The following HS6ST3 variants were observed in gnomAD, a reference collection of about 807,000 sequenced individuals.
HS6ST3 encodes the protein heparan-sulfate 6-O-sulfotransferase 3.
A neutral mutation model predicts 36.7 loss-of-function variants in HS6ST3; 12 were observed. That is an observed-to-expected ratio of 0.33 (90% confidence interval 0.21 to 0.53). The LOEUF (loss-of-function observed/expected upper bound fraction) is 0.53. Among genes scored for constraint, HS6ST3 ranks in the 20% least tolerant of loss-of-function variants. The pLI is 0.95. For missense variants in HS6ST3, 584 were observed against 640.9 expected, an observed-to-expected ratio of 0.91 and a Z score of 0.96; for synonymous variants, 240 against 257.5, an observed-to-expected ratio of 0.93 and a Z score of 0.65.
At chr13:96,708,647 C>T (rs1317145406) in intron 1 of HS6ST3, among the ~76,000 whole-genome samples, 1 of 152,152 alleles carries the variant, frequency 6.6e-6, no homozygotes, top group Non-Finnish European at 1.5e-5. Context: ...CTAATTCACT[C>T]CAGGGAAATG....
intron 1 of HS6ST3, among the ~76,000 whole-genome samples, chr13:96,482,534 C>T (rs2055894894): frequency 6.6e-6 from 1 of 150,464 alleles, no homozygotes; most frequent in South Asian, 2.1e-4. Context: ...TATCTGGTCT[C>T]CTCTGCAGTG....
chr13:96,725,900 G>A (rs773914334), intron 1 of HS6ST3, among the ~76,000 whole-genome samples: 27 of 151,994 alleles, frequency 1.8e-4, no homozygotes, highest in Non-Finnish European at 2.6e-4. Flanking sequence ...GCAGTGGCGC[G>A]ATCTCAGCTC....
chr13:96,275,775 A>G (rs1363132869), intron 1 of HS6ST3, among the ~76,000 whole-genome samples: 9 of 151,976 alleles, frequency 5.9e-5, no homozygotes, highest in African/African-American at 2.2e-4. Flanking sequence ...CAAGGTGACA[A>G]TAAAGACTTT....
chr13:96,529,005 T>G (rs1471729150), intron 1 of HS6ST3, among the ~76,000 whole-genome samples: 1 of 152,098 alleles, frequency 6.6e-6, no homozygotes, highest in Non-Finnish European at 1.5e-5. Context: ...TGGCATATAT[T>G]TACTATTGCC....
At chr13:96,645,176 A>G (rs1049448869) in intron 1 of HS6ST3, among the ~76,000 whole-genome samples, 1 of 151,894 alleles carries the variant, frequency 6.6e-6, no homozygotes, top group East Asian at 1.9e-4. Context: ...TAAGAGAAGG[A>G]TTGCAAAGAT....
At chr13:96,199,842 T>A (rs1055105555) in intron 1 of HS6ST3, among the ~76,000 whole-genome samples, 2 of 151,986 alleles carry the variant, frequency 1.3e-5, no homozygotes, top group African/African-American at 4.8e-5. Flanking sequence ...GATGTGCAGA[T>A]TCTGGCTCAT....
chr13:96,590,461 AT>A lies in HS6ST3; in HGVS notation c.708-242020del, dbSNP rs200668534. Among the ~76,000 whole-genome samples the A allele has an allele frequency of 6.2e-3, 934 of 150,488 alleles. 5 individuals carry two copies. Among genetic ancestry groups the A allele is most frequent in the African/African-American group, 0.021 (874 of 41,080 alleles). ...TCAGTGACATTTGGCATATTTTCAT[AT>A]TTTTTTTTCCATTTGTATGTCTTCT... On this transcript the variant is annotated intron_variant, in intron 1 of 1. Coordinates refer to ENST00000376705, the MANE Select transcript of HS6ST3 (RefSeq NM_153456.4).
chr13:96,170,925 G>A (rs1463468104), intron 1 of HS6ST3, among the ~76,000 whole-genome samples: 2 of 152,196 alleles, frequency 1.3e-5, no homozygotes, highest in Non-Finnish European at 2.9e-5. Flanking sequence ...AAACACACGC[G>A]CACGTGCGCA....
At chr13:96,311,350 T>A (rs988749171) in intron 1 of HS6ST3, among the ~76,000 whole-genome samples, 2 of 152,202 alleles carry the variant, frequency 1.3e-5, no homozygotes, top group Non-Finnish European at 2.9e-5. Context: ...AATGGCAGCA[T>A]ACACACATTT....
chr13:96,202,561 G>A (rs780545971), intron 1 of HS6ST3, among the ~76,000 whole-genome samples: 1 of 152,174 alleles, frequency 6.6e-6, no homozygotes, highest in Non-Finnish European at 1.5e-5. Context: ...ACCCCAAGAA[G>A]TTGAATTGGA....
chr13:96,465,680 T>A (rs1007155509), intron 1 of HS6ST3, among the ~76,000 whole-genome samples: 1 of 152,064 alleles, frequency 6.6e-6, no homozygotes, highest in Admixed American at 6.6e-5. Context: ...TAAAGTACAA[T>A]TTTCTGCTTT....
Position 96,294,052 on chromosome 13 carries a change from G to C in HS6ST3, c.707+202483G>C, listed in dbSNP as rs150847218. 2.7e-3 allele frequency among the ~76,000 whole-genome samples: 408 copies of C among 152,150 alleles called. 3 individuals carry two copies. Among genetic ancestry groups the C allele is most frequent in the African/African-American group, 9.4e-3 (390 of 41,526 alleles). Reference sequence around the variant, plus strand: ...TTAATGTCTAGAGGAATGACATTACGTTTCTTGGGTTATCAAGCTCAGATG... The same window carrying C: ...TTAATGTCTAGAGGAATGACATTACCTTTCTTGGGTTATCAAGCTCAGATG... On this transcript the variant is annotated intron_variant, in intron 1 of 1. Coordinates refer to ENST00000376705, the MANE Select transcript of HS6ST3 (RefSeq NM_153456.4).
chr13:96,744,079 T>G (rs937309088), intron 1 of HS6ST3, among the ~76,000 whole-genome samples: 9 of 152,058 alleles, frequency 5.9e-5, no homozygotes, highest in Non-Finnish European at 1.0e-4. Context: ...ATCTAGTAAA[T>G]GCAAGAAGTT....
intron 1 of HS6ST3, among the ~76,000 whole-genome samples, chr13:96,415,123 G>A (rs1446133940): frequency 6.6e-6 from 1 of 152,150 alleles, no homozygotes; most frequent in African/African-American, 2.4e-5. Flanking sequence ...TGCAGCTATG[G>A]TTCTTTGGGG....
chr13:96,547,591 G>A (rs2056202403), intron 1 of HS6ST3, among the ~76,000 whole-genome samples: 1 of 152,240 alleles, frequency 6.6e-6, no homozygotes, highest in African/African-American at 2.4e-5. Flanking sequence ...CAAAGAAAGA[G>A]AGAGAGAAAG....
chr13:96,412,975 C>T (rs2055515561), intron 1 of HS6ST3, among the ~76,000 whole-genome samples: 1 of 151,900 alleles, frequency 6.6e-6, no homozygotes, highest in Non-Finnish European at 1.5e-5. Context: ...TGTGATGTCC[C>T]TTCTTTCCAC....
At chr13:96,651,092 A>T (rs1293457383) in intron 1 of HS6ST3, among the ~76,000 whole-genome samples, 1 of 152,070 alleles carries the variant, frequency 6.6e-6, no homozygotes. Flanking sequence ...CTTAGTCTAG[A>T]ATTCAAGGTT....
intron 1 of HS6ST3, among the ~76,000 whole-genome samples, chr13:96,800,668 C>G (rs1260854298): frequency 6.6e-6 from 1 of 152,010 alleles, no homozygotes; most frequent in African/African-American, 2.4e-5. Flanking sequence ...CTGCATCTGT[C>G]TCCACCCTCC....
At chr13:96,699,611 G>T (rs143091234) in intron 1 of HS6ST3, among the ~76,000 whole-genome samples, 2,274 of 152,318 alleles carry the variant, frequency 0.015, 54 homozygotes, top group African/African-American at 0.051. Context: ...TGGAGAGGAT[G>T]TGGAGAAATA....
Sources: gnomAD v4.1 joint callset for allele counts (sites outside exome capture counted in the v4.1 genomes callset) on GRCh38, gnomAD v4.1.1 for gene constraint, MANE v1.5 for transcripts, NCBI Gene and HGNC (gene_info 2026-07-23, HGNC 2026-07-21) for gene names.